Variants in KHDRBS2 observed in about 807,000 individuals in gnomAD.
KHDRBS2 encodes KH domain-containing, RNA-binding, signal transduction-associated protein 2.
In KHDRBS2, 26 loss-of-function variants were observed where a neutral mutation model predicts 44.3. The observed-to-expected ratio is 0.59, with a 90% confidence interval of 0.43 to 0.81. KHDRBS2 has a LOEUF of 0.81. Among genes scored for constraint, KHDRBS2 ranks in the 40% least tolerant of loss-of-function variants. The pLI is 0.00. For synonymous variants in KHDRBS2, 194 were observed against 151.1 expected (o/e 1.28, Z -2.08); for missense variants, 476 against 433.1 (o/e 1.10, Z -0.88).
intron 6 of KHDRBS2, among the ~76,000 whole-genome samples, chr6:61,814,397 A>G (rs971469589): frequency 7.9e-5 from 12 of 152,142 alleles, no homozygotes; most frequent in African/African-American, 2.9e-4. Flanking sequence ...TCATGAGGTC[A>G]GGAGATCGAG....
intron 6 of KHDRBS2, among the ~76,000 whole-genome samples, chr6:61,891,543 G>T (rs1801842058): frequency 6.6e-6 from 1 of 152,032 alleles, no homozygotes; most frequent in Non-Finnish European, 1.5e-5. Flanking sequence ...GTAAAATTCG[G>T]CTGTGAATCT....
At chr6:62,158,393 T>A (rs1816910855) in intron 2 of KHDRBS2, among the ~76,000 whole-genome samples, 1 of 152,190 alleles carries the variant, frequency 6.6e-6, no homozygotes, top group African/African-American at 2.4e-5. Flanking sequence ...ATTATATTCA[T>A]GTTGAAGCTG....
intron 6 of KHDRBS2, among the ~76,000 whole-genome samples, chr6:61,857,040 C>A (rs1179091997): frequency 6.6e-6 from 1 of 151,972 alleles, no homozygotes; most frequent in Non-Finnish European, 1.5e-5. Flanking sequence ...AAAAAGGATT[C>A]TTGTTTTAGG....
At chr6:61,905,512 T>C (rs144009021) in intron 4 of KHDRBS2, among the ~76,000 whole-genome samples, 17 of 152,306 alleles carry the variant, frequency 1.1e-4, no homozygotes, top group South Asian at 6.2e-4. Flanking sequence ...GTTTAAAATG[T>C]CAGAGAGACC....
chr6:62,262,855 CA>C (rs1259464781), intron 1 of KHDRBS2, among the ~76,000 whole-genome samples: 1 of 151,576 alleles, frequency 6.6e-6, no homozygotes, highest in Non-Finnish European at 1.5e-5. Context: ...AAATAAATGA[CA>C]AATACATAGA....
chr6:61,644,737 C>T, the KHDRBS2 span, among the ~76,000 whole-genome samples: 81 of 152,004 alleles, frequency 5.3e-4, no homozygotes, highest in Middle Eastern at 6.8e-3. Flanking sequence ...TAGAGAAGTG[C>T]AAATCAAAAA....
At chr6:62,276,853 A>C (rs1379336716) in intron 1 of KHDRBS2, among the ~76,000 whole-genome samples, 1 of 152,182 alleles carries the variant, frequency 6.6e-6, no homozygotes, top group African/African-American at 2.4e-5. Flanking sequence ...TAATGGTTAC[A>C]CGTGGCATCT....
chr6:61,770,562 G>A (rs899318535), intron 6 of KHDRBS2, among the ~76,000 whole-genome samples: 3 of 152,150 alleles, frequency 2.0e-5, no homozygotes, highest in East Asian at 1.9e-4. Context: ...TAGACGATGC[G>A]ATCAACTGGA....
At chr6:61,640,172 A>T in the KHDRBS2 span, among the ~76,000 whole-genome samples, 1 of 152,142 alleles carries the variant, frequency 6.6e-6, no homozygotes, top group Non-Finnish European at 1.5e-5. Context: ...AATATTAGAT[A>T]AAAAGTATGA....
chr6:61,660,372 C>T, the KHDRBS2 span, among the ~76,000 whole-genome samples: 2 of 151,754 alleles, frequency 1.3e-5, no homozygotes, highest in Admixed American at 1.3e-4. Flanking sequence ...GTTCTCAACT[C>T]TTCCCTAAGG....
chr6:61,627,191 T>C, the KHDRBS2 span, among the ~76,000 whole-genome samples: 191 of 134,298 alleles, frequency 1.4e-3, 2 homozygotes, highest in African/African-American at 5.2e-3. Flanking sequence ...AGGCGGAGCT[T>C]GCAGTGAGCC....
chr6:61,616,619 T>A, the KHDRBS2 span, among the ~76,000 whole-genome samples: 4 of 152,014 alleles, frequency 2.6e-5, no homozygotes, highest in African/African-American at 4.8e-5. Flanking sequence ...TCTGCAAAGG[T>A]CAAATATGAA....
chr6:61,904,729 C>T (rs1168274632), intron 4 of KHDRBS2, among the ~76,000 whole-genome samples: 1 of 152,146 alleles, frequency 6.6e-6, no homozygotes, highest in Non-Finnish European at 1.5e-5. Flanking sequence ...CAGGGCAATC[C>T]GTAAGGATTC....
At chr6:61,623,227 T>A in the KHDRBS2 span, among the ~76,000 whole-genome samples, 1 of 152,288 alleles carries the variant, frequency 6.6e-6, no homozygotes, top group African/African-American at 2.4e-5. Context: ...GTATAATGCC[T>A]ATTGAATAAG....
intron 1 of KHDRBS2, among the ~76,000 whole-genome samples, chr6:62,234,284 T>C (rs1012290281): frequency 3.3e-5 from 5 of 152,176 alleles, no homozygotes; most frequent in Non-Finnish European, 7.4e-5. Context: ...TTTGGAAAAG[T>C]AATCTGATCT....
chr6:62,162,155 C>G (rs1337496217), intron 2 of KHDRBS2, among the ~76,000 whole-genome samples: 1 of 151,920 alleles, frequency 6.6e-6, no homozygotes, highest in East Asian at 1.9e-4. Flanking sequence ...TATAATTGCT[C>G]TTTATTTACC....
At chr6:61,588,823 C>T in the KHDRBS2 span, among the ~76,000 whole-genome samples, 11 of 152,124 alleles carry the variant, frequency 7.2e-5, no homozygotes, top group Non-Finnish European at 1.3e-4. Flanking sequence ...ACCCAAATGG[C>T]CATCAATAAT....
intron 3 of KHDRBS2, among the ~76,000 whole-genome samples, chr6:62,003,655 A>G (rs566537794): frequency 7.4e-4 from 113 of 152,306 alleles, no homozygotes; most frequent in African/African-American, 2.5e-3. Context: ...TCAGCTCTGC[A>G]CCAAGCAGAC....
chr6:62,110,709 G>C (rs1335031998), intron 2 of KHDRBS2, among the ~76,000 whole-genome samples: 1 of 152,018 alleles, frequency 6.6e-6, no homozygotes, highest in African/African-American at 2.4e-5. Context: ...CTGGGGACTA[G>C]GTCAGGTAGA....
Sources: gnomAD v4.1 joint callset for allele counts (sites outside exome capture counted in the v4.1 genomes callset) on GRCh38, gnomAD v4.1.1 for gene constraint, MANE v1.5 for transcripts, NCBI Gene and HGNC (gene_info 2026-07-23, HGNC 2026-07-21) for gene names.